Variants in FARP2 observed in about 807,000 individuals in gnomAD.
FARP2 encodes FERM, ARHGEF and pleckstrin domain-containing protein 2.
Under a neutral mutation model 130.5 loss-of-function variants are expected in FARP2, and 111 were observed. The ratio of observed to expected loss-of-function variants is 0.85; its 90% CI spans 0.73 to 1.00. The LOEUF is 1.00. Among genes scored for constraint, FARP2 ranks in the 50% least tolerant of loss-of-function variants. FARP2 has a pLI of 0.00. For synonymous variants in FARP2, 504 were observed against 516.9 expected (o/e 0.98, Z 0.34); for missense variants, 1,385 against 1,346.3 (o/e 1.03, Z -0.45).
chr2:241,442,777 C>T (rs73004382), intron 13 of FARP2: 33,436 of 284,478 alleles, frequency 0.12, 2,383 homozygotes, highest in Non-Finnish European at 0.15. Context: ...CCTAGAGGAC[C>T]GATAAATTAG....
chr2:241,426,922 C>T (rs1344920783), intron 8 of FARP2, among the ~76,000 whole-genome samples: 1 of 151,946 alleles, frequency 6.6e-6, no homozygotes, highest in African/African-American at 2.4e-5. Flanking sequence ...CCTCCATATC[C>T]GCAGGAAAAT....
intron 14 of FARP2, among the ~76,000 whole-genome samples, chr2:241,458,186 G>A (rs1184711245): frequency 6.6e-6 from 1 of 152,118 alleles, no homozygotes; most frequent in Non-Finnish European, 1.5e-5. Flanking sequence ...TCAGGGTCCA[G>A]GGAGTTTGTA....
At chr2:241,424,822 T>C (rs1054988710) in intron 8 of FARP2, among the ~76,000 whole-genome samples, 1 of 152,046 alleles carries the variant, frequency 6.6e-6, no homozygotes, top group Non-Finnish European at 1.5e-5. Flanking sequence ...TATAAACACC[T>C]CTATGCACAT....
chr2:241,439,153 C>T (rs905406749), intron 12 of FARP2, among the ~76,000 whole-genome samples: 6 of 151,752 alleles, frequency 4.0e-5, no homozygotes, highest in African/African-American at 1.5e-4. Context: ...GTAGCTGAGA[C>T]TACAGGTGCA....
chr2:241,422,894 T>A (rs78413871), intron 8 of FARP2, among the ~76,000 whole-genome samples: 3,295 of 151,940 alleles, frequency 0.022, 113 homozygotes, highest in African/African-American at 0.069. Context: ...CTTTCTGAAA[T>A]AGGCAGACAA....
chr2:241,491,016 C>T lies in FARP2; in HGVS notation c.2505-45C>T, dbSNP rs369404524. 8.8e-6 allele frequency: 13 copies of T among 1,480,932 alleles called. No individual in the cohort carries two copies. In the African/African-American group the frequency reaches 1.4e-4, roughly 16 times the overall value. 91.7% of individuals were successfully genotyped at this position (1,480,932 alleles called of 1,614,324 possible). A position where few individuals can be genotyped will look rare whatever the true frequency, so the allele number is the denominator to read the frequency against. On this transcript the variant is annotated intron_variant, in intron 22 of 26. Coordinates refer to ENST00000264042, the MANE Select transcript of FARP2 (RefSeq NM_014808.4). ...CCCTCCCTTGAGGGCTGGGGCCCTACACAAGGAAGAGCAGAGCCACTGAGC... is the reference window on the plus strand; with the variant it reads ...CCCTCCCTTGAGGGCTGGGGCCCTATACAAGGAAGAGCAGAGCCACTGAGC...
chr2:241,443,817 T>C (rs2063451813), intron 13 of FARP2: 1 of 152,272 alleles, frequency 6.6e-6, no homozygotes, highest in Non-Finnish European at 1.5e-5. Flanking sequence ...ATACCACATT[T>C]AAAGTTTAAT....
In FARP2 at chr2:241,357,425, G is replaced by A. The variant is rs533228205; in HGVS notation, c.-25+1037G>A. Reference sequence around the variant, plus strand: ...AGCATGGAGTAACCTTTACTTGTAGGCCAAATATAATTTAAATTTTCTACA... The same window carrying A: ...AGCATGGAGTAACCTTTACTTGTAGACCAAATATAATTTAAATTTTCTACA... On this transcript the variant is annotated intron_variant, in intron 1 of 26. Coordinates refer to ENST00000264042, the MANE Select transcript of FARP2 (RefSeq NM_014808.4). Among the ~76,000 whole-genome samples the A allele has an allele frequency of 4.1e-4, 63 of 152,256 alleles. 1 individual carries two copies. The South Asian group carries it at 0.013, about 32-fold the overall frequency.
rs936058211 is a variant in FARP2, at chr2:241,434,007, G to T, written c.868-151G>T. ...GCCAAGATCACGCCATTGCACTCCA[G>T]CCTGGGCACAGAGCAAGATCCTGTC... On this transcript the variant is annotated intron_variant, in intron 9 of 26. Coordinates refer to ENST00000264042, the MANE Select transcript of FARP2 (RefSeq NM_014808.4). 22 of 607,530 alleles carry T rather than the reference G, an allele frequency of 3.6e-5. No individual in the cohort carries two copies. In the Admixed American group the frequency reaches 6.6e-4, roughly 18 times the overall value. The allele number at this position is 607,530 out of a possible 1,614,324, so 37.6% of individuals were successfully genotyped here.
chr2:241,370,487 T>C (rs749947392), intron 1 of FARP2, among the ~76,000 whole-genome samples: 31 of 152,204 alleles, frequency 2.0e-4, no homozygotes, highest in Non-Finnish European at 3.4e-4. Flanking sequence ...CATCCCGTAG[T>C]GTAGACATAT....
At chr2:241,484,365 C>T (rs377010779) in intron 21 of FARP2, 34 bp downstream of exon 21, 23 of 1,577,458 alleles carry the variant, frequency 1.5e-5, no homozygotes, top group Non-Finnish European at 1.9e-5. Flanking sequence ...GGGATTTCCA[C>T]GTGGTGCTGG....
At chr2:241,404,061 G>A (rs1203211588) in intron 3 of FARP2, 129 bp downstream of exon 3, 1 of 610,514 alleles carries the variant, frequency 1.6e-6, no homozygotes, top group Admixed American at 2.9e-5. Context: ...CTTGTTAGCT[G>A]TAGAGAATAT....
At chr2:241,363,488 G>T (rs1257380909) in intron 1 of FARP2, among the ~76,000 whole-genome samples, 1 of 152,246 alleles carries the variant, frequency 6.6e-6, no homozygotes, top group African/African-American at 2.4e-5. Context: ...GGATACTAGG[G>T]AGATTCCAGA....
At position 241,463,945 on chromosome 2, in the gene FARP2, G is replaced by A. The variant is rs745488423; in HGVS notation, c.1858G>A (p.Gly620Arg). 1.1e-5 allele frequency: 18 copies of A among 1,613,954 alleles called. No individual in the cohort carries two copies. Among genetic ancestry groups the A allele is most frequent in the Middle Eastern group, 1.6e-4 (1 of 6,084 alleles). Residue 620 changes from glycine to arginine, a missense_variant, in exon 17 of 27, where the codon GGG becomes AGG. Gly to Arg is a moderately radical substitution (Grantham distance 125). Coordinates refer to ENST00000264042, the MANE Select transcript of FARP2 (RefSeq NM_014808.4). Reference protein sequence around the residue: ...AHTKGSHQRIGDILLRNMRQL... With the variant: ...AHTKGSHQRIRDILLRNMRQL... ...CACAAAAGGCAGTCATCAACGAATC[G>A]GGGACATCCTGCTCAGGAACATGCG...
At chr2:241,431,827 T>TA in intron 9 of FARP2, 53 bp downstream of exon 9, 1 of 667,666 alleles carries the variant, frequency 1.5e-6, no homozygotes, top group Non-Finnish European at 2.1e-6. Flanking sequence ...TATTTATTTA[T>TA]TTATTTTTTT....
intron 2 of FARP2, among the ~76,000 whole-genome samples, chr2:241,400,165 G>T (rs1382680365): frequency 6.6e-6 from 1 of 152,190 alleles, no homozygotes; most frequent in East Asian, 1.9e-4. Context: ...CAGTGCAGGG[G>T]CTCAGGTAGG....
chr2:241,404,973 C>A (rs1406493088), intron 4 of FARP2, 132 bp downstream of exon 4: 1 of 606,096 alleles, frequency 1.6e-6, no homozygotes, highest in Non-Finnish European at 2.9e-6. Flanking sequence ...CAATAGCGGA[C>A]AAACTTGGAA....
chr2:241,452,919 C>T (rs920256021), intron 13 of FARP2, among the ~76,000 whole-genome samples: 7 of 149,662 alleles, frequency 4.7e-5, no homozygotes, highest in East Asian at 2.0e-4. Context: ...CCAGCCTGGG[C>T]GACAGAGTGA....
At chr2:241,452,812 G>T (rs977504614) in intron 13 of FARP2, among the ~76,000 whole-genome samples, 1 of 151,506 alleles carries the variant, frequency 6.6e-6, no homozygotes, top group Non-Finnish European at 1.5e-5. Context: ...ATGGTGGCGG[G>T]CATGTGTAGT....
Sources: gnomAD v4.1 joint callset for allele counts (sites outside exome capture counted in the v4.1 genomes callset) on GRCh38, gnomAD v4.1.1 for gene constraint, MANE v1.5 for transcripts, NCBI Gene and HGNC (gene_info 2026-07-23, HGNC 2026-07-21) for gene names.